CHD8: variants seen among roughly 807,000 people sequenced by gnomAD.
The protein encoded by CHD8 is ATP-dependent chromatin remodeler CHD8.
Under a neutral mutation model 279.2 loss-of-function variants are expected in CHD8, and 31 were observed. That is an observed-to-expected ratio of 0.11 (90% CI 0.08 to 0.15). The LOEUF (loss-of-function observed/expected upper bound fraction) is 0.15. Among genes scored for constraint, CHD8 ranks in the 10% least tolerant of loss-of-function variants. The pLI, the probability that CHD8 is intolerant of heterozygous loss-of-function variation, is 1.00. For missense variants in CHD8, 2,146 were observed against 3,230.5 expected (o/e 0.66, Z 8.14); for synonymous variants, 1,081 against 1,139.6 (o/e 0.95, Z 1.04).
chr14:21,453,957 C>CGG (rs1890316596), intron 1 of CHD8, among the ~76,000 whole-genome samples: 1 of 151,314 alleles, frequency 6.6e-6, no homozygotes, highest in African/African-American at 2.5e-5. Context: ...AGTTCAAGAC[C>CGG]AGCCTAGCCA....
chr14:21,400,249 A>G lies in CHD8; in HGVS notation c.4629T>C (p.Thr1543=), dbSNP rs768478865. 6 of 1,613,972 alleles carry G rather than the reference A, an allele frequency of 3.7e-6. No homozygotes were observed. The East Asian group carries it at 1.3e-4, about 36-fold the overall frequency. ...RKGKKVKSQS[T]FDIHKADWIR... ...TCCAATCTGCCTTATGGATATCAAAAGTGCTTTGTGACTTTACTTTTTTTC... is the reference window on the plus strand; with the variant it reads ...TCCAATCTGCCTTATGGATATCAAAGGTGCTTTGTGACTTTACTTTTTTTC... Residue 1543 remains threonine, a synonymous_variant, in exon 24 of 38, where the codon ACT becomes ACC. Transcript: ENST00000646647. This position sits in a 1 kb window ranked among gnomAD's most constrained non-coding sequence, Gnocchi z 4.2.
chr14:21,421,490 G>A (rs558157466), intron 5 of CHD8, among the ~76,000 whole-genome samples: 1 of 151,910 alleles, frequency 6.6e-6, no homozygotes, highest in African/African-American at 2.4e-5. Flanking sequence ...TTGCAATATT[G>A]CTACAATACA....
In CHD8 at chr14:21,431,332, C is replaced by A; in HGVS notation, c.312G>T (p.Gln104His). Residue 104 changes from glutamine to histidine, a missense_variant, in exon 2 of 38, where the codon CAG becomes CAT. Around this residue, in one of 26 missense-constraint regions of CHD8, gnomAD observed 302 missense variants for 325.5 expected, o/e 0.93. Transcript: ENST00000646647. ...ATGTCTGTAAGACAGGTTGGGCTGG[C>A]TGCTCCTGGCTGGCAGGCTGAGTGG... is the stretch of plus-strand genomic sequence containing the variant. ...DYTTQPASQE[Q>H]PAQPVLQTST... is the part of the protein sequence containing the mutation. 6.5e-7 allele frequency: 1 copy of A among 1,541,120 alleles called. No individual in the cohort carries two copies. The highest frequency in any genetic ancestry group is 8.7e-7 in the Non-Finnish European group (1 of 1,149,212).
At chr14:21,426,106 A>T in intron 5 of CHD8, 22 bp downstream of exon 5, 1 of 1,416,676 alleles carries the variant, frequency 7.1e-7, no homozygotes, top group Non-Finnish European at 9.9e-7. Flanking sequence ...TTTTCTACTA[A>T]ATTCTTTTGG....
chr14:21,428,327 C>T, intron 3 of CHD8, 73 bp from the exon 4 acceptor site: 2 of 1,411,488 alleles, frequency 1.4e-6, no homozygotes. Flanking sequence ...AGCTCTGAAG[C>T]AGGGGGGCTA....
Position 21,428,120 on chromosome 14 carries a change from G to C in CHD8, c.1350C>G (p.Arg450=). 1 of 1,613,988 alleles carries C rather than the reference G, an allele frequency of 6.2e-7. No individual in the cohort carries two copies. Among genetic ancestry groups the C allele is most frequent in the Non-Finnish European group, 8.5e-7 (1 of 1,179,902 alleles). Reference sequence around the variant, plus strand: ...CTTGCTTCTTCTGGTGTTCCAATCTGCGGTTTTCCTCCATTCCTGTCTTTC... The same window carrying C: ...CTTGCTTCTTCTGGTGTTCCAATCTCCGGTTTTCCTCCATTCCTGTCTTTC... ...SGGKTGMEEN[R]RLEHQKKQEK... Residue 450 remains arginine (R), a synonymous_variant, in exon 4 of 38, where the codon CGC becomes CGG. Coordinates refer to ENST00000646647, the MANE Select transcript of CHD8 (RefSeq NM_001170629.2).
intron 10 of CHD8, among the ~76,000 whole-genome samples, chr14:21,411,798 C>T (rs972129839): frequency 2.0e-5 from 3 of 152,210 alleles, no homozygotes; most frequent in Non-Finnish European, 4.4e-5. Context: ...GTAGGCGGCT[C>T]ACGCCCGTAA....
At chr14:21,414,835 C>A (rs1263644134) in intron 8 of CHD8, 103 bp downstream of exon 8, 3 of 819,918 alleles carry the variant, frequency 3.7e-6, no homozygotes. Flanking sequence ...ACCTGGGCTA[C>A]AAGACTATAA....
At position 21,431,548 on chromosome 14, in the gene CHD8, G is replaced by A. The variant is rs1202147456; in HGVS notation, c.96C>T (p.Pro32=). The A allele has an allele frequency of 7.2e-6, 11 of 1,537,030 alleles. No individual in the cohort carries two copies. The highest frequency in any genetic ancestry group is 8.7e-6 in the Non-Finnish European group (10 of 1,146,890). ...DDSFNQVTQD[P]IEEALGLPSS... ...TTGGCAGTCCAAGGGCTTCCTCAAT[G>A]GGGTCTTGTGTGACCTGGTTAAAGC... Residue 32 remains proline (P), a synonymous_variant, in exon 2 of 38, where the codon CCC becomes CCT. Transcript: ENST00000646647.
At chr14:21,449,315 G>A (rs75041059) in intron 1 of CHD8, among the ~76,000 whole-genome samples, 2,597 of 152,130 alleles carry the variant, frequency 0.017, 76 homozygotes, top group African/African-American at 0.058. Context: ...AATGAAACTA[G>A]CACCACATAC....
At chr14:21,441,685 G>C (rs958292578) in intron 1 of CHD8, among the ~76,000 whole-genome samples, 2 of 151,874 alleles carry the variant, frequency 1.3e-5, no homozygotes, top group Non-Finnish European at 2.9e-5. Context: ...TCAGGAGATG[G>C]AGACCATCCT....
chr14:21,389,028 G>A (rs1887406359), intron 37 of CHD8, among the ~76,000 whole-genome samples: 1 of 152,076 alleles, frequency 6.6e-6, no homozygotes, highest in South Asian at 2.1e-4. Flanking sequence ...TTGACCAGGC[G>A]CTGTGGCTCA....
chr14:21,394,760 G>A, intron 30 of CHD8, 152 bp downstream of exon 30: 1 of 746,760 alleles, frequency 1.3e-6, no homozygotes, highest in Non-Finnish European at 2.1e-6. Context: ...CTGCATGCAA[G>A]TGAGGTTTTA....
intron 28 of CHD8, chr14:21,395,608 AGT>A: frequency 1.7e-6 from 1 of 592,504 alleles, no homozygotes; most frequent in Non-Finnish European, 3.0e-6. Context: ...AATATCTTTC[AGT>A]GTCCAGCTCC....
intron 1 of CHD8, among the ~76,000 whole-genome samples, chr14:21,434,582 C>G (rs563596958): frequency 2.6e-5 from 4 of 151,970 alleles, no homozygotes; most frequent in African/African-American, 9.7e-5. Context: ...TTTTAAAGAT[C>G]AATGCATTGT....
intron 1 of CHD8, among the ~76,000 whole-genome samples, chr14:21,440,847 G>C (rs1284090567): frequency 2.6e-5 from 4 of 152,268 alleles, no homozygotes; most frequent in African/African-American, 7.2e-5. Context: ...GCTAACTCTG[G>C]CTCTAGGGGG....
In CHD8 at chr14:21,429,352, A is replaced by C. The variant is rs1461728325; in HGVS notation, c.844-17T>G. ...CGATTCACCCTAAAGTGAAGAAAGG[A>C]AATTGCAAGAGTACAACATTAAAGA... On this transcript the variant is annotated splice_polypyrimidine_tract_variant and intron_variant, in intron 2 of 37. Coordinates refer to ENST00000646647, the MANE Select transcript of CHD8 (RefSeq NM_001170629.2). The C allele has an allele frequency of 1.2e-6, 2 of 1,601,802 alleles. No individual in the cohort carries two copies. Among genetic ancestry groups the C allele is most frequent in the South Asian group, 2.2e-5 (2 of 90,688 alleles).
chr14:21,431,693 G>GA lies in CHD8; in HGVS notation c.-51dup, dbSNP rs1204751131. 6.3e-7 allele frequency: 1 copy of GA among 1,592,742 alleles called. No homozygotes were observed. The highest frequency in any genetic ancestry group is 1.1e-5 in the South Asian group (1 of 89,118). On this transcript the variant is annotated 5_prime_UTR_variant, in exon 2 of 38. Coordinates refer to ENST00000646647, the MANE Select transcript of CHD8 (RefSeq NM_001170629.2). ...TCTCCAAGGTCTAGGGAGGGAAGGG[G>GA]AGGGGGGGTACTGGCTCTCCCCTCC...
Position 21,403,704 on chromosome 14 carries a change from C to A in CHD8, c.3308-41G>T, listed in dbSNP as rs1343815473. On this transcript the variant is annotated intron_variant, in intron 16 of 37. Transcript: ENST00000646647. The surrounding 1 kb of genome is among the most constrained non-coding windows in gnomAD (Gnocchi z 4.3). The stretch of plus-strand genomic sequence containing the variant: ...TCAAATTATGTTGAGATCCAGTGAA[C>A]CATATTAAGGTTGTAGTCTATTTAA... The A allele has an allele frequency of 6.7e-7, 1 of 1,485,706 alleles. No homozygotes were observed. The highest frequency in any genetic ancestry group is 2.4e-5 in the East Asian group (1 of 40,962). The allele number at this position is 1,485,706 out of a possible 1,614,324, so 92.0% of individuals were successfully genotyped here.
Sources: gnomAD v4.1 joint callset for allele counts (sites outside exome capture counted in the v4.1 genomes callset) on GRCh38, gnomAD v4.1.1 for gene constraint, gnomAD v4.1.1 regional missense constraint, Gnocchi (gnomAD v3.1) non-coding constraint, MANE v1.5 for transcripts, NCBI Gene and HGNC (gene_info 2026-07-23, HGNC 2026-07-21) for gene names.